NFATC2: variants seen among roughly 807,000 people sequenced by gnomAD.
NFATC2 encodes nuclear factor of activated T-cells, cytoplasmic 2.
A neutral mutation model predicts 87.3 loss-of-function variants in NFATC2; 22 were observed. The observed-to-expected ratio is 0.25, with a 90% CI of 0.18 to 0.36. The LOEUF is 0.36. Ranked by LOEUF, NFATC2 falls within the 10% of genes least tolerant of loss-of-function variation. The probability of loss-of-function intolerance (pLI) is 1.00; values close to 1 mark genes in which losing one functional copy is unlikely to be tolerated. For synonymous variants in NFATC2, 565 were observed against 542.2 expected, an observed-to-expected ratio of 1.04 and a Z score of -0.58; for missense variants, 1,149 against 1,259.1, an observed-to-expected ratio of 0.91 and a Z score of 1.32.
chr20:51,417,845 C>CA (rs11086334), intron 9 of NFATC2, among the ~76,000 whole-genome samples: 142,252 of 152,322 alleles, frequency 0.93, 66,543 homozygotes, highest in African/African-American at 0.99. Flanking sequence ...AGCAAATGCT[C>CA]AGCAACACGC....
At chr20:51,399,309 A>C (rs1024152191) in intron 9 of NFATC2, 1 of 152,840 alleles carries the variant, frequency 6.5e-6, no homozygotes, top group Admixed American at 6.5e-5. Flanking sequence ...TGGGGAGTCT[A>C]TTGTAAATAA....
chr20:51,395,962 C>T lies in NFATC2; in HGVS notation c.*44+2681G>A, dbSNP rs567575290. ...TACGCAAATGGGCACAGATGTGTTC[C>T]AATAAAACTTCATTTGCCAAAACAG... On this transcript the variant is annotated intron_variant, in intron 10 of 10. Transcript: ENST00000371564. Among the ~76,000 whole-genome samples, 79 of 148,866 alleles carry T rather than the reference C, an allele frequency of 5.3e-4. 1 individual carries two copies. The highest frequency in any genetic ancestry group is 1.2e-3 in the Admixed American group (17 of 14,688).
chr20:51,435,265 G>A lies in NFATC2; in HGVS notation c.1955C>T (p.Thr652Ile), dbSNP rs1282771020. The part of the protein sequence containing the change: ...IPEYRNKHIR[T>I]PVKVNFYVIN... ...GACGTAGAAGTTCACTTTTACAGGT[G>A]TGCGGATATGCTTGTTCCGATATTC... Residue 652 changes from threonine to isoleucine, a missense_variant, in exon 8 of 11, where the codon ACA becomes ATA. Physicochemically the swap from Thr to Ile is moderately conservative, Grantham distance 89. Transcript: ENST00000371564. The A allele has an allele frequency of 6.2e-7, 1 of 1,614,066 alleles. No individual in the cohort carries two copies. The highest frequency in any genetic ancestry group is 8.5e-7 in the Non-Finnish European group (1 of 1,180,028).
At chr20:51,475,699 G>A (rs1385235151) in intron 3 of NFATC2, 39 bp from the exon 4 acceptor site, 1 of 1,601,248 alleles carries the variant, frequency 6.2e-7, no homozygotes. Context: ...GGTGCGGGGT[G>A]TGGTGGCTCT....
At position 51,456,344 on chromosome 20, in the gene NFATC2, G is replaced by A. The variant is rs73269975; in HGVS notation, c.1709-1656C>T. ...GAGGAAGGAAGTATTAAAATGATTC[G>A]CATTTGACTGGGGAGAAAACCAAAG... On this transcript the variant is annotated intron_variant, in intron 5 of 10. Coordinates refer to ENST00000371564, the MANE Select transcript of NFATC2 (RefSeq NM_012340.5). Among the ~76,000 whole-genome samples, 1,088 of 152,192 alleles carry A rather than the reference G, an allele frequency of 7.1e-3. 17 individuals are homozygous for A. The highest frequency in any genetic ancestry group is 0.024 in the African/African-American group (1,012 of 41,508).
At chr20:51,421,029 G>A (rs1227994790) in intron 9 of NFATC2, among the ~76,000 whole-genome samples, 1 of 149,560 alleles carries the variant, frequency 6.7e-6, no homozygotes, top group African/African-American at 2.5e-5. Context: ...CCTGTGAATA[G>A]CCACTATGCT....
At chr20:51,546,635 C>G (rs374789859), upstream of NFATC2, among the ~76,000 whole-genome samples, 3 of 152,226 alleles carry the variant, frequency 2.0e-5, no homozygotes, top group African/African-American at 7.2e-5. Context: ...GACTTTGAAA[C>G]TTCTAGCACA....
chr20:51,440,777 T>C (rs1984217687), intron 6 of NFATC2, among the ~76,000 whole-genome samples: 1 of 152,176 alleles, frequency 6.6e-6, no homozygotes, highest in African/African-American at 2.4e-5. Flanking sequence ...GTTGTCTTTC[T>C]TGATTTTATG....
chr20:51,481,624 T>C (rs1600837197), intron 3 of NFATC2, among the ~76,000 whole-genome samples: 1 of 151,422 alleles, frequency 6.6e-6, no homozygotes, highest in Non-Finnish European at 1.5e-5. Context: ...TCTGCGGGGG[T>C]GGGGGCCCAG....
intron 3 of NFATC2, 65 bp from the exon 4 acceptor site, chr20:51,475,725 A>C (rs1988658358): frequency 6.7e-7 from 1 of 1,502,714 alleles, no homozygotes; most frequent in Non-Finnish European, 9.1e-7. Context: ...AATAAACAAA[A>C]AAAGACCAGA....
intron 6 of NFATC2, among the ~76,000 whole-genome samples, chr20:51,451,690 A>G (rs1985805289): frequency 6.6e-6 from 1 of 152,232 alleles, no homozygotes. Context: ...TTACCGCCTG[A>G]GCGCTGCCTC....
chr20:51,558,177 C>T (rs1030391706), intron 1 of NFATC2, among the ~76,000 whole-genome samples: 40 of 152,106 alleles, frequency 2.6e-4, no homozygotes, highest in African/African-American at 9.4e-4. Flanking sequence ...CCCATCTCTA[C>T]AAACAATTTA....
At position 51,405,767 on chromosome 20, in the gene NFATC2, G is replaced by A. The variant is rs6096409; in HGVS notation, c.2723-7037C>T. Among the ~76,000 whole-genome samples, 1,031 of 152,246 alleles carry A rather than the reference G, an allele frequency of 6.8e-3. 6 individuals are homozygous for A. The highest frequency in any genetic ancestry group is 0.023 in the African/African-American group (961 of 41,544). On this transcript the variant is annotated intron_variant, in intron 9 of 10. Transcript: ENST00000371564. ...AAATCTCAAGGAGGAATGATTGGGC[G>A]AAAGAATAACTACCACCTCCTAATT...
chr20:51,413,578 T>C (rs1979603124), intron 9 of NFATC2, among the ~76,000 whole-genome samples: 1 of 151,894 alleles, frequency 6.6e-6, no homozygotes, highest in Admixed American at 6.6e-5. Flanking sequence ...GGCAACATAG[T>C]GAAACCCTGT....
chr20:51,497,335 A>C (rs537546260), intron 3 of NFATC2, among the ~76,000 whole-genome samples: 1 of 152,336 alleles, frequency 6.6e-6, no homozygotes, highest in East Asian at 1.9e-4. Context: ...ACCAAAAGAT[A>C]AATGCAAAAA....
intron 6 of NFATC2, among the ~76,000 whole-genome samples, chr20:51,449,447 A>G (rs971677470): frequency 3.9e-5 from 6 of 152,176 alleles, no homozygotes; most frequent in Non-Finnish European, 8.8e-5. Flanking sequence ...TCCAGGAACT[A>G]CATTCACCTG....
chr20:51,474,881 AT>A (rs1988564607), intron 4 of NFATC2, among the ~76,000 whole-genome samples: 1 of 152,124 alleles, frequency 6.6e-6, no homozygotes, highest in African/African-American at 2.4e-5. Context: ...ATATAAGTAA[AT>A]TTAACCTGAT....
rs754993458 is a variant in NFATC2, at chr20:51,432,433, C to A, written c.2356G>T (p.Val786Leu). 5.0e-6 allele frequency: 8 copies of A among 1,585,744 alleles called. No homozygotes were observed. In the South Asian group the frequency reaches 8.1e-5, roughly 16 times the overall value. ...CTCTGGCCCTGGGAGCCGGCGTGCACCAGCACAGAGCGGTGAGCGTCCGCA... is the reference window on the plus strand; with the variant it reads ...CTCTGGCCCTGGGAGCCGGCGTGCAACAGCACAGAGCGGTGAGCGTCCGCA... ...SLADAHRSVL[V>L]HAGSQGQSSA... The change falls in exon 9 of 11, where the codon GTG (valine) becomes TTG (leucine). Residue 786 changes from valine (V) to leucine (L), a missense_variant. Val to Leu is a conservative substitution (Grantham distance 32). Transcript: ENST00000371564. The surrounding 1 kb of genome is among the most constrained non-coding windows in gnomAD (Gnocchi z 4.6).
chr20:51,488,404 T>G (rs185826379), intron 3 of NFATC2, among the ~76,000 whole-genome samples: 2 of 152,316 alleles, frequency 1.3e-5, no homozygotes, highest in Admixed American at 1.3e-4. Flanking sequence ...AAGTCTTTCT[T>G]GTCGGGGGCT....
Sources: gnomAD v4.1 joint callset for allele counts (sites outside exome capture counted in the v4.1 genomes callset) on GRCh38, gnomAD v4.1.1 for gene constraint, Gnocchi (gnomAD v3.1) non-coding constraint, MANE v1.5 for transcripts, NCBI Gene and HGNC (gene_info 2026-07-23, HGNC 2026-07-21) for gene names.